Variants in GPM6A observed in about 807,000 individuals in gnomAD.
GPM6A encodes the protein glycoprotein M6A.
GPM6A carries 7 observed loss-of-function variants against 32.1 expected under a neutral mutation model. The ratio of observed to expected loss-of-function variants is 0.22; its 90% confidence interval spans 0.12 to 0.41. GPM6A has a LOEUF of 0.41. GPM6A is among the 10% of genes least tolerant of loss of function. GPM6A has a pLI of 1.00. For synonymous variants in GPM6A, 130 were observed against 123.4 expected (o/e 1.05, Z -0.35); for missense variants, 235 against 347.2 (o/e 0.68, Z 2.57).
chr4:175,861,034 G>A (rs1318944746), intron 1 of GPM6A, among the ~76,000 whole-genome samples: 2 of 151,838 alleles, frequency 1.3e-5, no homozygotes, highest in African/African-American at 4.8e-5. Context: ...TCATTAATCT[G>A]TATCATCCTA....
intron 1 of GPM6A, among the ~76,000 whole-genome samples, chr4:175,853,504 C>CTTTTTTTTTT (rs70962425): frequency 7.3e-6 from 1 of 137,658 alleles, no homozygotes; most frequent in Non-Finnish European, 1.6e-5. Context: ...CAAACAAGTT[C>CTTTTTTTTTT]TTTTTTTTTT....
chr4:175,779,406 T>C (rs575470075), intron 1 of GPM6A, among the ~76,000 whole-genome samples: 1 of 152,366 alleles, frequency 6.6e-6, no homozygotes, highest in East Asian at 1.9e-4. Flanking sequence ...AAGCACGTTA[T>C]ATTTCACAGA....
intron 1 of GPM6A, among the ~76,000 whole-genome samples, chr4:175,737,071 T>C (rs1731690813): frequency 6.6e-6 from 1 of 152,198 alleles, no homozygotes; most frequent in Non-Finnish European, 1.5e-5. Context: ...TTTAAAGAAC[T>C]CTAGATTAGT....
intron 1 of GPM6A, among the ~76,000 whole-genome samples, chr4:175,861,649 G>A (rs1348858224): frequency 6.6e-6 from 1 of 151,066 alleles, no homozygotes; most frequent in East Asian, 1.9e-4. Context: ...TACTGGGGAG[G>A]CTGAGGCATG....
intron 3 of GPM6A, among the ~76,000 whole-genome samples, chr4:175,662,260 C>A (rs185875937): frequency 6.6e-6 from 1 of 152,086 alleles, no homozygotes; most frequent in Admixed American, 6.6e-5. Context: ...CATACCACCT[C>A]GCACACACTT....
In GPM6A at chr4:175,895,975, T is replaced by G. The variant is rs1737784489; in HGVS notation, c.-22-83726A>C. Among the ~76,000 whole-genome samples, 4 of 152,198 alleles carry G rather than the reference T, an allele frequency of 2.6e-5. No individual in the cohort carries two copies. In the South Asian group the frequency reaches 8.3e-4, roughly 32 times the overall value. ...ATCCTGAATCTCTCCATCTGTGGCC[T>G]TTTCCTATGACCTTTACTAAGCAAA... is the stretch of plus-strand genomic sequence containing the variant. On this transcript the variant is annotated intron_variant, in intron 1 of 7. Transcript: ENST00000280187.
chr4:176,001,665 T>C (rs6843694), intron 1 of GPM6A, among the ~76,000 whole-genome samples: 141,967 of 152,238 alleles, frequency 0.93, 67,000 homozygotes, highest in East Asian at 1. Flanking sequence ...GCCCTTTTAA[T>C]CACGCTGTTT....
chr4:175,940,619 C>T (rs1164674161), intron 1 of GPM6A, among the ~76,000 whole-genome samples: 3 of 151,972 alleles, frequency 2.0e-5, no homozygotes, highest in Admixed American at 6.6e-5. Flanking sequence ...TCTCCCACGT[C>T]CCCCCGAGAT....
intron 1 of GPM6A, among the ~76,000 whole-genome samples, chr4:175,953,406 T>C (rs1307725155): frequency 6.6e-6 from 1 of 152,188 alleles, no homozygotes; most frequent in African/African-American, 2.4e-5. Flanking sequence ...TTAAGATATG[T>C]AGTACAAAGA....
intron 1 of GPM6A, chr4:175,787,756 C>T (rs1419164489): frequency 1.0e-5 from 3 of 298,520 alleles, no homozygotes; most frequent in Admixed American, 6.0e-5. Context: ...ATATAAAGCA[C>T]CATTTTAAAA....
intron 1 of GPM6A, among the ~76,000 whole-genome samples, chr4:175,941,555 G>A (rs982869891): frequency 6.6e-5 from 10 of 151,970 alleles, no homozygotes; most frequent in African/African-American, 7.2e-5. Context: ...ACCACCTCCC[G>A]CAACAGGCCC....
At chr4:175,891,980 T>G (rs1343016272) in intron 1 of GPM6A, among the ~76,000 whole-genome samples, 1 of 152,228 alleles carries the variant, frequency 6.6e-6, no homozygotes, top group Non-Finnish European at 1.5e-5. Context: ...ATGTGGCTTT[T>G]GCCCGTTGTT....
intron 1 of GPM6A, among the ~76,000 whole-genome samples, chr4:175,889,259 T>G (rs1464538198): frequency 2.6e-5 from 4 of 152,190 alleles, no homozygotes; most frequent in Non-Finnish European, 4.4e-5. Context: ...TACAAACAAT[T>G]TTTTTAAGAC....
rs182915951 is a variant in GPM6A at position 175,940,849 on chromosome 4, C to T, written c.-23+61460G>A. On this transcript the variant is annotated intron_variant, in intron 1 of 7. Coordinates refer to the GPM6A transcript ENST00000280187. ...GTCTCGAACTCTTGACCTTGTGATC[C>T]GCCAGCCTCAGCTTCCCAAAGTGCT... Among the ~76,000 whole-genome samples the T allele has an allele frequency of 4.8e-3, 729 of 152,314 alleles. 4 individuals are homozygous for T. The highest frequency in any genetic ancestry group is 0.017 in the African/African-American group (686 of 41,558).
At chr4:175,891,061 C>G (rs772088466) in intron 1 of GPM6A, among the ~76,000 whole-genome samples, 11 of 152,058 alleles carry the variant, frequency 7.2e-5, no homozygotes, top group Non-Finnish European at 1.2e-4. Flanking sequence ...TGGCCTGGAA[C>G]TCACCTTTAT....
intron 1 of GPM6A, among the ~76,000 whole-genome samples, chr4:175,855,196 A>G (rs555039682): frequency 6.6e-6 from 1 of 152,346 alleles, no homozygotes; most frequent in Non-Finnish European, 1.5e-5. Context: ...AAGTAGGAAA[A>G]TATACTCTCA....
intron 1 of GPM6A, among the ~76,000 whole-genome samples, chr4:175,974,359 T>C (rs1473393680): frequency 6.6e-6 from 1 of 152,200 alleles, no homozygotes; most frequent in East Asian, 1.9e-4. Flanking sequence ...GTTTGTTTGA[T>C]CGATTGTTTG....
intron 1 of GPM6A, among the ~76,000 whole-genome samples, chr4:175,902,280 T>C (rs1737992375): frequency 6.6e-6 from 1 of 152,122 alleles, no homozygotes; most frequent in South Asian, 2.1e-4. Flanking sequence ...TAAAAAGAAA[T>C]TATTTAGGTA....
At chr4:175,944,627 A>G (rs942945720) in intron 1 of GPM6A, among the ~76,000 whole-genome samples, 3 of 152,222 alleles carry the variant, frequency 2.0e-5, no homozygotes, top group Non-Finnish European at 2.9e-5. Flanking sequence ...TACCATTACA[A>G]TCTCTGCACA....
Sources: allele counts gnomAD v4.1 joint callset (sites outside exome capture counted in the v4.1 genomes callset), GRCh38; gene constraint gnomAD v4.1.1; transcripts MANE v1.5; gene names NCBI Gene and HGNC (gene_info 2026-07-23, HGNC 2026-07-21).